The following ZNF385D variants were observed in gnomAD, a reference collection of about 807,000 sequenced individuals.
The protein encoded by ZNF385D is zinc finger protein 385D, also known as zinc finger protein 659.
A neutral mutation model predicts 35.8 loss-of-function variants in ZNF385D; 15 were observed. The observed-to-expected ratio is 0.42, with a 90% confidence interval of 0.28 to 0.64. ZNF385D has a LOEUF of 0.64. Among genes scored for constraint, ZNF385D ranks in the 30% least tolerant of loss-of-function variants. The pLI is 0.23. For missense variants in ZNF385D, 474 were observed against 494.6 expected (o/e 0.96, Z 0.39); for synonymous variants, 212 against 186.8 (o/e 1.13, Z -1.10).
intron 3 of ZNF385D, among the ~76,000 whole-genome samples, chr3:22,149,599 G>C (rs986495816): frequency 3.9e-5 from 6 of 152,254 alleles, no homozygotes; most frequent in Non-Finnish European, 7.4e-5. Flanking sequence ...CGACCATAGA[G>C]GTATGAAACA....
intron 3 of ZNF385D, among the ~76,000 whole-genome samples, chr3:21,935,055 A>T (rs1484260142): frequency 6.6e-6 from 1 of 152,164 alleles, no homozygotes; most frequent in Non-Finnish European, 1.5e-5. Context: ...TCCTCCTTAA[A>T]ACTATGCCAC....
Position 21,902,103 on chromosome 3 carries a change from T to G in ZNF385D, c.326-237075A>C, listed in dbSNP as rs142050069. Among the ~76,000 whole-genome samples the G allele has an allele frequency of 5.1e-4, 77 of 152,300 alleles. No individual in the cohort carries two copies. The Middle Eastern group carries it at 0.01, about 20-fold the overall frequency. On this transcript the variant is annotated intron_variant, in intron 3 of 5. Transcript: ENST00000494108. ...GTGCCTAGAGAATTAGATTAAAAGT[T>G]TCTTTCATTCATGACAAAACATTTG... is the stretch of plus-strand genomic sequence containing the variant.
intron 2 of ZNF385D, among the ~76,000 whole-genome samples, chr3:22,288,048 G>GT (rs1702115572): frequency 6.6e-6 from 1 of 151,688 alleles, no homozygotes. Flanking sequence ...GGCAAGGTTT[G>GT]TTTTTTTCTC....
chr3:22,089,268 A>G (rs1701199166), intron 3 of ZNF385D, among the ~76,000 whole-genome samples: 1 of 152,170 alleles, frequency 6.6e-6, no homozygotes, highest in African/African-American at 2.4e-5. Context: ...ACTTGCTTGG[A>G]AAAATTATCT....
intron 2 of ZNF385D, among the ~76,000 whole-genome samples, chr3:21,662,260 G>T (rs2066260836): frequency 6.6e-6 from 1 of 152,086 alleles, no homozygotes; most frequent in Non-Finnish European, 1.5e-5. Flanking sequence ...GTGCCTAAAG[G>T]GTCATGCTAG....
chr3:21,509,167 A>G (rs1315523550), intron 4 of ZNF385D, among the ~76,000 whole-genome samples: 1 of 152,178 alleles, frequency 6.6e-6, no homozygotes, highest in Non-Finnish European at 1.5e-5. Context: ...ATATTTTAAA[A>G]AAGTCAAGAT....
intron 3 of ZNF385D, among the ~76,000 whole-genome samples, chr3:22,045,716 T>C (rs1698958948): frequency 2.0e-5 from 3 of 148,214 alleles, no homozygotes; most frequent in Admixed American, 2.0e-4. Flanking sequence ...ATTCAAAATA[T>C]CTCACTTCTA....
intron 1 of ZNF385D, among the ~76,000 whole-genome samples, chr3:21,702,007 T>C (rs987289075): frequency 1.3e-5 from 2 of 152,056 alleles, no homozygotes; most frequent in African/African-American, 4.8e-5. Context: ...GTGCAAGCGG[T>C]TGGTGGATAT....
At chr3:21,705,755 C>T (rs1430507476) in intron 1 of ZNF385D, among the ~76,000 whole-genome samples, 1 of 152,206 alleles carries the variant, frequency 6.6e-6, no homozygotes, top group Non-Finnish European at 1.5e-5. Context: ...CCACTTGCTC[C>T]CACATGCCTC....
At chr3:21,461,663 G>A (rs974742300) in intron 4 of ZNF385D, among the ~76,000 whole-genome samples, 5 of 152,214 alleles carry the variant, frequency 3.3e-5, no homozygotes, top group Admixed American at 1.3e-4. Context: ...AATTATTCAT[G>A]TTGGGCCAAA....
intron 4 of ZNF385D, among the ~76,000 whole-genome samples, chr3:21,481,416 A>T (rs965454809): frequency 6.6e-6 from 1 of 152,086 alleles, no homozygotes; most frequent in Non-Finnish European, 1.5e-5. Flanking sequence ...CCCCATACAC[A>T]TTCTCCTCTA....
chr3:21,819,641 T>C (rs1192147033), intron 3 of ZNF385D, among the ~76,000 whole-genome samples: 2 of 103,684 alleles, frequency 1.9e-5, no homozygotes, highest in Non-Finnish European at 3.7e-5. Flanking sequence ...AATTATATAT[T>C]CTATATTATA....
In ZNF385D at chr3:21,774,399, G is replaced by A. The variant is rs557115835; in HGVS notation, c.326-109371C>T. On this transcript the variant is annotated intron_variant, in intron 3 of 5. Transcript: ENST00000494108. ...ACACATTGACCTATGTAACAAACAT[G>A]CACATCCTACACATGTACCCCCAAA... Among the ~76,000 whole-genome samples, 12 of 151,926 alleles carry A rather than the reference G, an allele frequency of 7.9e-5. No homozygotes were observed. In the South Asian group the frequency reaches 1.5e-3, roughly 18 times the overall value.
At chr3:21,832,503 T>C (rs1421392323) in intron 3 of ZNF385D, among the ~76,000 whole-genome samples, 4 of 152,178 alleles carry the variant, frequency 2.6e-5, no homozygotes, top group African/African-American at 9.6e-5. Context: ...TTCCTCATGA[T>C]TACAGAAAGT....
intron 2 of ZNF385D, among the ~76,000 whole-genome samples, chr3:21,592,350 C>T: frequency 6.6e-6 from 1 of 151,736 alleles, no homozygotes. Flanking sequence ...ATTTATTTAT[C>T]TATTGTGATT....
At chr3:22,258,146 G>T (rs1278118735) in intron 2 of ZNF385D, among the ~76,000 whole-genome samples, 3 of 151,688 alleles carry the variant, frequency 2.0e-5, no homozygotes, top group South Asian at 4.1e-4. Context: ...AAATAGAACA[G>T]ATTCCACTTT....
At chr3:21,802,417 A>G (rs1460133054) in intron 3 of ZNF385D, among the ~76,000 whole-genome samples, 2 of 152,170 alleles carry the variant, frequency 1.3e-5, no homozygotes, top group Non-Finnish European at 2.9e-5. Flanking sequence ...CCTGAAAGAG[A>G]AGGCTATGAG....
intron 3 of ZNF385D, among the ~76,000 whole-genome samples, chr3:22,030,295 A>ATATGTATG (rs1697905756): frequency 1.8e-5 from 2 of 110,806 alleles, no homozygotes; most frequent in East Asian, 2.4e-4. Context: ...ATATATATAT[A>ATATGTATG]TATATATCCT....
At chr3:22,190,558 T>A (rs1695949807) in intron 2 of ZNF385D, among the ~76,000 whole-genome samples, 1 of 152,168 alleles carries the variant, frequency 6.6e-6, no homozygotes, top group African/African-American at 2.4e-5. Context: ...GCTAATATCG[T>A]TAAGTTCTGA....
Sources: gnomAD v4.1 joint callset for allele counts (sites outside exome capture counted in the v4.1 genomes callset) on GRCh38, gnomAD v4.1.1 for gene constraint, MANE v1.5 for transcripts, NCBI Gene and HGNC (gene_info 2026-07-23, HGNC 2026-07-21) for gene names.